Variants in FSIP2 observed in about 807,000 individuals in gnomAD.
FSIP2 encodes the protein fibrous sheath-interacting protein 2.
A neutral mutation model predicts 510.5 loss-of-function variants in FSIP2; 367 were observed. The ratio of observed to expected loss-of-function variants is 0.72; its 90% confidence interval spans 0.66 to 0.78. The LOEUF is 0.78. Among genes scored for constraint, FSIP2 ranks in the 30% least tolerant of loss-of-function variants. The pLI is 0.00. For synonymous variants in FSIP2, 2,601 were observed against 2,732.2 expected (o/e 0.95, Z 1.50); for missense variants, 7,594 against 7,901.7 (o/e 0.96, Z 1.48).
intron 16 of FSIP2, among the ~76,000 whole-genome samples, chr2:185,798,223 A>G (rs897713731): frequency 1.3e-5 from 2 of 151,862 alleles, no homozygotes; most frequent in Admixed American, 1.3e-4. Context: ...TAACTGATTA[A>G]AAGTCATTTA....
rs1303392679 is a variant in FSIP2, at chr2:185,809,119, G to A, written c.19813G>A (p.Val6605Ile). 1.3e-6 allele frequency: 2 copies of A among 1,569,462 alleles called. No homozygotes were observed. The highest frequency in any genetic ancestry group is 1.2e-5 in the South Asian group (1 of 82,648). ...ATTGGATAAGACTGGAAGACTGGAT[G>A]TAAAACCCCTAGAGGTAAGTGCAAA... The part of the protein sequence containing the change: ...TSLDKTGRLD[V>I]KPLEAVARNS... The change falls in exon 17 of 23, where the codon GTA becomes ATA. Residue 6605 changes from valine to isoleucine, a missense_variant. Physicochemically the swap from Val to Ile is conservative, Grantham distance 29. Transcript: ENST00000424728.
In FSIP2 at chr2:185,808,717, A is replaced by C. The variant is rs774357198; in HGVS notation, c.19411A>C (p.Asn6471His). 6 of 1,611,944 alleles carry C rather than the reference A, an allele frequency of 3.7e-6. No homozygotes were observed. In the African/African-American group the frequency reaches 4.0e-5, roughly 11 times the overall value. The change falls in exon 17 of 23, where the codon AAC becomes CAC. Residue 6471 changes from asparagine (N) to histidine (H), a missense_variant. Transcript: ENST00000424728. The part of the protein sequence containing the change: ...GVSSFPLDTI[N>H]STISNADLSG... ...TTCAAGTTTTCCATTAGATACAATTAACTCAACAATTTCAAATGCTGATCT... is the reference window on the plus strand; with the variant it reads ...TTCAAGTTTTCCATTAGATACAATTCACTCAACAATTTCAAATGCTGATCT...
chr2:185,833,244 T>G lies in FSIP2; in HGVS notation c.*18T>G. 1 of 1,579,122 alleles carries G rather than the reference T, an allele frequency of 6.3e-7. No individual in the cohort carries two copies. The highest frequency in any genetic ancestry group is 8.6e-7 in the Non-Finnish European group (1 of 1,162,528). ...AACACTGAAGCTTTTGTACCTGATA[T>G]AAGTATGCTTACTTCTTTTAGAAAA... On this transcript the variant is annotated 3_prime_UTR_variant, in exon 23 of 23. Transcript: ENST00000424728.
Position 185,807,934 on chromosome 2 carries a change from C to A in FSIP2, c.18628C>A (p.Gln6210Lys). The A allele has an allele frequency of 6.2e-7, 1 of 1,603,138 alleles. No individual in the cohort carries two copies. The highest frequency in any genetic ancestry group is 8.5e-7 in the Non-Finnish European group (1 of 1,175,908). Residue 6210 changes from glutamine to lysine, a missense_variant, in exon 17 of 23, where the codon CAA becomes AAA. Transcript: ENST00000424728. ...AACAAAATCTCTAGAGACTGATATG[C>A]AAAAAATAACTTCAAAAGTACTAAA... ...ERTKSLETDM[Q>K]KITSKVLNSV...
In FSIP2 at chr2:185,749,018, C is replaced by G. The variant is rs189648956; in HGVS notation, c.870+1595C>G. ...ATTTGTATGGATCTATTTTTGGACTCTCTTCTATTCTTTGACCTATTTGTT... is the reference window on the plus strand; with the variant it reads ...ATTTGTATGGATCTATTTTTGGACTGTCTTCTATTCTTTGACCTATTTGTT... On this transcript the variant is annotated intron_variant, in intron 7 of 22. Transcript: ENST00000424728. Among the ~76,000 whole-genome samples the G allele has an allele frequency of 1.5e-3, 235 of 152,094 alleles. 1 individual carries two copies. Among genetic ancestry groups the G allele is most frequent in the African/African-American group, 5.3e-3 (222 of 41,536 alleles).
chr2:185,759,585 A>G (rs1692309590), intron 9 of FSIP2, among the ~76,000 whole-genome samples: 2 of 108,600 alleles, frequency 1.8e-5, no homozygotes, highest in South Asian at 6.7e-4. Context: ...TATTTATGAT[A>G]TAATTATGAT....
intron 3 of FSIP2, among the ~76,000 whole-genome samples, chr2:185,743,757 G>A (rs1691971437): frequency 6.6e-6 from 1 of 152,056 alleles, no homozygotes; most frequent in African/African-American, 2.4e-5. Context: ...TCCAATTACA[G>A]CTAATTGAAA....
At chr2:185,825,018 TGTG>T (rs1273104045) in intron 20 of FSIP2, among the ~76,000 whole-genome samples, 1 of 151,830 alleles carries the variant, frequency 6.6e-6, no homozygotes, top group Non-Finnish European at 1.5e-5. Context: ...GGAGGATCGA[TGTG>T]GTTCTAACAA....
chr2:185,792,567 C>A lies in FSIP2; in HGVS notation c.5431C>A (p.Pro1811Thr). The stretch of plus-strand genomic sequence containing the variant: ...CTCCCACTCTAATTTTAATGGCATG[C>A]CTCACAATGTTGATGAGCCAACTCC... ...SLSHSNFNGM[P>T]HNVDEPTPQT... is the part of the protein sequence containing the mutation. Residue 1811 changes from proline to threonine, a missense_variant, in exon 16 of 23, where the codon CCT (proline) becomes ACT (threonine). Coordinates refer to ENST00000424728, the MANE Select transcript of FSIP2 (RefSeq NM_173651.4). 1 of 1,533,168 alleles carries A rather than the reference C, an allele frequency of 6.5e-7. No individual in the cohort carries two copies. The highest frequency in any genetic ancestry group is 8.7e-7 in the Non-Finnish European group (1 of 1,144,786). 95.0% of individuals were successfully genotyped at this position (1,533,168 alleles called of 1,614,324 possible).
intron 2 of FSIP2, among the ~76,000 whole-genome samples, chr2:185,741,253 A>T (rs1691916756): frequency 6.8e-6 from 1 of 146,350 alleles, no homozygotes; most frequent in East Asian, 2.0e-4. Context: ...TTTTTATTAC[A>T]TTAATTCTCC....
intron 13 of FSIP2, chr2:185,765,919 G>A: frequency 6.7e-6 from 1 of 149,942 alleles, no homozygotes; most frequent in African/African-American, 2.4e-5. Context: ...GTGAATGGGA[G>A]TTCACTCATG....
At chr2:185,817,755 T>A (rs1693850580) in intron 19 of FSIP2, among the ~76,000 whole-genome samples, 1 of 151,952 alleles carries the variant, frequency 6.6e-6, no homozygotes, top group Non-Finnish European at 1.5e-5. Context: ...AAGAAGCACA[T>A]CAGTTGGACC....
Position 185,805,191 on chromosome 2 carries a change from T to G in FSIP2, c.15885T>G (p.Thr5295=). Reference sequence around the variant, plus strand: ...AATTTTGTTCTCTCCTCATTATTACTGAAGATTCTAAGAAAAATGAAATGG... The same window carrying G: ...AATTTTGTTCTCTCCTCATTATTACGGAAGATTCTAAGAAAAATGAAATGG... ...VHKFCSLLII[T]EDSKKNEMAE... Residue 5295 remains threonine, a synonymous_variant, in exon 17 of 23, where the codon ACT becomes ACG. Transcript: ENST00000424728. 1 of 1,605,802 alleles carries G rather than the reference T, an allele frequency of 6.2e-7. No individual in the cohort carries two copies. The highest frequency in any genetic ancestry group is 8.5e-7 in the Non-Finnish European group (1 of 1,176,742).
Position 185,745,449 on chromosome 2 carries a change from A to G in FSIP2, c.498A>G (p.Leu166=). ...AATAGAGAATACTTGCAAAACAACT[A>G]CATAACATACCGGAAAACAATCAAA... ...IKEQRILAKQ[L]HNIPENNQIP... Residue 166 remains leucine (L), a synonymous_variant, in exon 5 of 23, where the codon CTA becomes CTG. Transcript: ENST00000424728. 2 of 1,533,284 alleles carry G rather than the reference A, an allele frequency of 1.3e-6. No individual in the cohort carries two copies. Among genetic ancestry groups the G allele is most frequent in the South Asian group, 1.2e-5 (1 of 83,948 alleles). 95.0% of individuals were successfully genotyped at this position (1,533,284 alleles called of 1,614,324 possible).
At position 185,792,519 on chromosome 2, in the gene FSIP2, A is replaced by C; in HGVS notation, c.5383A>C (p.Asn1795His). The C allele has an allele frequency of 3.3e-6, 5 of 1,527,116 alleles. No individual in the cohort carries two copies. Among genetic ancestry groups the C allele is most frequent in the Non-Finnish European group, 4.4e-6 (5 of 1,139,568 alleles). The allele number at this position is 1,527,116 out of a possible 1,614,324, so 94.6% of individuals were successfully genotyped here. A position where few individuals can be genotyped will look rare whatever the true frequency, so the allele number is the denominator to read the frequency against. ...TGAAATTTTTCAAAGTACTTTAATC[A>C]ATCAATTAAATGTCCTTTCTCTCTC... ...LNEIFQSTLI[N>H]QLNVLSLSHS... is the part of the protein sequence containing the mutation. The change falls in exon 16 of 23, where the codon AAT becomes CAT. Residue 1795 changes from asparagine (N) to histidine (H), a missense_variant. Transcript: ENST00000424728.
intron 8 of FSIP2, 94 bp downstream of exon 8, chr2:185,753,936 T>C: frequency 1.2e-6 from 1 of 840,588 alleles, no homozygotes; most frequent in Non-Finnish European, 1.7e-6. Context: ...TTTACACTTG[T>C]TTCTCCCTTT....
intron 20 of FSIP2, among the ~76,000 whole-genome samples, chr2:185,827,829 TAAAC>T (rs1399528266): frequency 1.3e-5 from 2 of 151,870 alleles, no homozygotes; most frequent in Non-Finnish European, 2.9e-5. Context: ...ATTGTACAGG[TAAAC>T]AAACAGGCTT....
In FSIP2 at chr2:185,739,442, G is replaced by A. The variant is rs1436013363; in HGVS notation, c.196G>A (p.Val66Ile). ...KLPVIPGSNA[V>I]FYTTNFGEKL... ...GCCTGTGATCCCAGGAAGCAATGCT[G>A]TATTCTATACTACGAATTTCGGTGA... The change falls in exon 2 of 23, where the codon GTA becomes ATA. Residue 66 changes from valine to isoleucine, a missense_variant. Physicochemically the swap from Val to Ile is conservative, Grantham distance 29. Transcript: ENST00000424728. 6.5e-7 allele frequency: 1 copy of A among 1,531,246 alleles called. No individual in the cohort carries two copies. The allele number at this position is 1,531,246 out of a possible 1,614,324, so 94.9% of individuals were successfully genotyped here. A position where few individuals can be genotyped will look rare whatever the true frequency, so the allele number is the denominator to read the frequency against.
At position 185,791,095 on chromosome 2, in the gene FSIP2, G is replaced by A; in HGVS notation, c.3959G>A (p.Arg1320Lys). ...LELHKENLNLREIDHTKSLTD... is the reference protein window; with the variant it reads ...LELHKENLNLKEIDHTKSLTD... Reference sequence around the variant, plus strand: ...CTTCACAAGGAAAACCTAAATCTTAGGGAGATTGACCATACCAAATCCCTT... The same window carrying A: ...CTTCACAAGGAAAACCTAAATCTTAAGGAGATTGACCATACCAAATCCCTT... The change falls in exon 16 of 23, where the codon AGG becomes AAG. Residue 1320 changes from arginine to lysine, a missense_variant. Arg to Lys is a conservative substitution (Grantham distance 26). Coordinates refer to ENST00000424728, the MANE Select transcript of FSIP2 (RefSeq NM_173651.4). 6.5e-7 allele frequency: 1 copy of A among 1,531,420 alleles called. No individual in the cohort carries two copies. The highest frequency in any genetic ancestry group is 8.7e-7 in the Non-Finnish European group (1 of 1,144,470). The allele number at this position is 1,531,420 out of a possible 1,614,324, so 94.9% of individuals were successfully genotyped here. A position where few individuals can be genotyped will look rare whatever the true frequency, so the allele number is the denominator to read the frequency against.
Sources: allele counts gnomAD v4.1 joint callset (sites outside exome capture counted in the v4.1 genomes callset), GRCh38; gene constraint gnomAD v4.1.1; transcripts MANE v1.5; gene names NCBI Gene and HGNC (gene_info 2026-07-23, HGNC 2026-07-21).